The following NBEAL1 variants were observed in gnomAD, a reference collection of about 807,000 sequenced individuals.
NBEAL1 encodes the protein neurobeachin like 1, also known as neurobeachin-like protein 1.
A neutral mutation model predicts 351.3 loss-of-function variants in NBEAL1; 273 were observed. The ratio of observed to expected loss-of-function variants is 0.78; its 90% confidence interval spans 0.70 to 0.86. NBEAL1 has a LOEUF of 0.86. Among genes scored for constraint, NBEAL1 ranks in the 40% least tolerant of loss-of-function variants. NBEAL1 has a pLI of 0.00. For synonymous variants in NBEAL1, 1,050 were observed against 1,086.4 expected, an observed-to-expected ratio of 0.97 and a Z score of 0.66; for missense variants, 2,961 against 3,201.3, an observed-to-expected ratio of 0.92 and a Z score of 1.81.
chr2:203,132,280 G>T (rs1363397580), intron 26 of NBEAL1, 148 bp downstream of exon 26: 4 of 579,202 alleles, frequency 6.9e-6, no homozygotes, highest in Non-Finnish European at 8.9e-6. Context: ...TAGTTTTGTT[G>T]TTTTTGTCTC....
intron 4 of NBEAL1, among the ~76,000 whole-genome samples, chr2:203,051,558 A>T (rs1403496437): frequency 6.6e-6 from 1 of 151,678 alleles, no homozygotes; most frequent in Admixed American, 6.6e-5. Flanking sequence ...AAAAAAAAAA[A>T]GGTTAAAGGG....
intron 34 of NBEAL1, 62 bp downstream of exon 34, chr2:203,149,210 T>G: frequency 3.2e-6 from 4 of 1,250,354 alleles, no homozygotes; most frequent in Non-Finnish European, 4.3e-6. Context: ...TAGAAATTTT[T>G]GAGCAAATGC....
chr2:203,093,942 T>C (rs1414593550), intron 10 of NBEAL1, among the ~76,000 whole-genome samples: 1 of 152,220 alleles, frequency 6.6e-6, no homozygotes, highest in African/African-American at 2.4e-5. Flanking sequence ...CTGGAATTTT[T>C]TTTTTGTCAG....
intron 47 of NBEAL1, among the ~76,000 whole-genome samples, chr2:203,196,389 C>T (rs1469423024): frequency 4.6e-5 from 7 of 152,130 alleles, no homozygotes; most frequent in Non-Finnish European, 4.4e-5. Flanking sequence ...GAGGTATTTC[C>T]CCATGTATTA....
At chr2:203,207,192 C>A (rs1393032289) in intron 51 of NBEAL1, among the ~76,000 whole-genome samples, 1 of 150,768 alleles carries the variant, frequency 6.6e-6, no homozygotes, top group Non-Finnish European at 1.5e-5. Context: ...GCAGCCGCCC[C>A]GTCTGAGAAG....
intron 44 of NBEAL1, among the ~76,000 whole-genome samples, chr2:203,186,686 A>C (rs981566290): frequency 1.2e-4 from 18 of 152,310 alleles, no homozygotes; most frequent in African/African-American, 4.3e-4. Flanking sequence ...CCTCTTTCCT[A>C]ACCACAGTGA....
chr2:203,110,089 TTAA>T (rs2062531023), intron 14 of NBEAL1, 58 bp from the exon 15 acceptor site: 2 of 1,453,688 alleles, frequency 1.4e-6, no homozygotes, highest in Non-Finnish European at 1.8e-6. Context: ...TTTATGTACT[TTAA>T]TGATGATGAA....
In NBEAL1 at chr2:203,051,681, T is replaced by C. The variant is rs532298904; in HGVS notation, c.305+1706T>C. ...AATCAAAAATCCTACAGATATTTGT[T>C]TTCAATTCATTATGTTTAGATTTTG... On this transcript the variant is annotated intron_variant, in intron 4 of 55. Transcript: ENST00000683969. 2.6e-5 allele frequency among the ~76,000 whole-genome samples: 4 copies of C among 152,316 alleles called. No homozygotes were observed. In the East Asian group the frequency reaches 7.7e-4, roughly 29 times the overall value.
chr2:203,198,755 CA>C (rs2065307707), intron 48 of NBEAL1, among the ~76,000 whole-genome samples: 1 of 150,524 alleles, frequency 6.6e-6, no homozygotes, highest in Non-Finnish European at 1.5e-5. Context: ...CCCAGCTACT[CA>C]AGAGGCTGAG....
At position 203,091,283 on chromosome 2, in the gene NBEAL1, G is replaced by A. The variant is rs147138328; in HGVS notation, c.1099-6264G>A. ...ATTTCACTTAGCATAGTGTCCTCAAGATTCGTCCATGTCGTAGCATGTGTC... is the reference window on the plus strand; with the variant it reads ...ATTTCACTTAGCATAGTGTCCTCAAAATTCGTCCATGTCGTAGCATGTGTC... On this transcript the variant is annotated intron_variant, in intron 10 of 55. Coordinates refer to ENST00000683969, the MANE Select transcript of NBEAL1 (RefSeq NM_001378026.1). Among the ~76,000 whole-genome samples the A allele has an allele frequency of 3.9e-5, 6 of 152,258 alleles. No homozygotes were observed. The East Asian group carries it at 1.2e-3, about 29-fold the overall frequency.
chr2:203,164,180 C>G (rs1322664333), intron 36 of NBEAL1, among the ~76,000 whole-genome samples: 1 of 151,170 alleles, frequency 6.6e-6, no homozygotes, highest in Admixed American at 6.6e-5. Flanking sequence ...AAACTTTGTA[C>G]AATCTTTGAG....
At chr2:203,118,240 T>C (rs1460773710) in intron 18 of NBEAL1, among the ~76,000 whole-genome samples, 2 of 152,234 alleles carry the variant, frequency 1.3e-5, no homozygotes, top group Non-Finnish European at 2.9e-5. Flanking sequence ...CCTGTATATT[T>C]CTACATAATC....
chr2:203,154,072 T>C (rs1409653739), intron 35 of NBEAL1, among the ~76,000 whole-genome samples: 5 of 151,808 alleles, frequency 3.3e-5, no homozygotes, highest in Non-Finnish European at 5.9e-5. Flanking sequence ...GGTGAAACCC[T>C]GTCTCTACAA....
At chr2:203,193,273 G>A (rs970427505) in intron 46 of NBEAL1, among the ~76,000 whole-genome samples, 1 of 152,014 alleles carries the variant, frequency 6.6e-6, no homozygotes, top group Non-Finnish European at 1.5e-5. Flanking sequence ...CGCCCAGCCA[G>A]TGTTGACATT....
intron 17 of NBEAL1, among the ~76,000 whole-genome samples, chr2:203,115,457 A>T (rs1255862926): frequency 6.6e-6 from 1 of 151,660 alleles, no homozygotes; most frequent in Non-Finnish European, 1.5e-5. Context: ...TGTTTTTGAG[A>T]CAATATCTCA....
At chr2:203,174,997 A>G (rs2064454442) in intron 41 of NBEAL1, 150 bp from the exon 42 acceptor site, 3 of 629,780 alleles carry the variant, frequency 4.8e-6, no homozygotes, top group Non-Finnish European at 7.8e-6. Flanking sequence ...CTAGTATGGT[A>G]TAATGATATG....
chr2:203,040,413 G>C, intron 2 of NBEAL1: 1 of 717,248 alleles, frequency 1.4e-6, no homozygotes. Flanking sequence ...TGAGTTTACC[G>C]GTGGAGAGAA....
intron 12 of NBEAL1, among the ~76,000 whole-genome samples, chr2:203,099,988 C>T (rs2062277089): frequency 6.6e-6 from 1 of 152,102 alleles, no homozygotes; most frequent in Non-Finnish European, 1.5e-5. Context: ...TATGTAAAAA[C>T]ATGTGGTATT....
At chr2:203,138,465 A>G in intron 30 of NBEAL1, 150 bp downstream of exon 30, 1 of 989,154 alleles carries the variant, frequency 1.0e-6, no homozygotes, top group East Asian at 2.6e-5. Context: ...GATTTTTGTT[A>G]GCTATTACTA....
Sources: allele counts gnomAD v4.1 joint callset (sites outside exome capture counted in the v4.1 genomes callset), GRCh38; gene constraint gnomAD v4.1.1; transcripts MANE v1.5; gene names NCBI Gene and HGNC (gene_info 2026-07-23, HGNC 2026-07-21).